DCLK3: variants seen among roughly 807,000 people sequenced by gnomAD.
DCLK3 encodes doublecortin like kinase 3.
A neutral mutation model predicts 46.4 loss-of-function variants in DCLK3; 30 were observed. The ratio of observed to expected loss-of-function variants is 0.65; its 90% CI spans 0.48 to 0.88. The LOEUF is 0.88. Ranked by LOEUF, DCLK3 falls within the 40% of genes least tolerant of loss-of-function variation. DCLK3 has a pLI of 0.00. For synonymous variants in DCLK3, 401 were observed against 339.2 expected, an observed-to-expected ratio of 1.18 and a Z score of -2.00; for missense variants, 846 against 907.1, an observed-to-expected ratio of 0.93 and a Z score of 0.87.
intron 1 of DCLK3, among the ~76,000 whole-genome samples, chr3:36,752,449 G>T (rs1171537026): frequency 1.3e-5 from 2 of 152,148 alleles, no homozygotes; most frequent in Non-Finnish European, 2.9e-5. Context: ...CCTCACCATT[G>T]CCCAAAATTA....
At chr3:36,718,341 C>T (rs1402497365) in intron 3 of DCLK3, among the ~76,000 whole-genome samples, 164 bp from the exon 4 acceptor site, 1 of 152,214 alleles carries the variant, frequency 6.6e-6, no homozygotes, top group African/African-American at 2.4e-5. Context: ...CTGCTAACTC[C>T]TATACATAAG....
chr3:36,738,947 G>A lies in DCLK3; in HGVS notation c.220C>T (p.Pro74Ser), dbSNP rs2125531515. ...PFLGPRGPVVPLFCPRNGLHS... is the reference protein window; with the variant it reads ...PFLGPRGPVVSLFCPRNGLHS... The stretch of plus-strand genomic sequence containing the variant: ...AGGCCATTCCGAGGGCAGAACAAGG[G>A]CACGACGGGGCCACGCGGCCCCAGG... Residue 74 changes from proline to serine, a missense_variant, in exon 2 of 5, where the codon CCC becomes TCC. Pro to Ser is a moderately conservative substitution (Grantham distance 74). Transcript: ENST00000636136. 1 of 402,408 alleles carries A rather than the reference G, an allele frequency of 2.5e-6. No individual in the cohort carries two copies. The highest frequency in any genetic ancestry group is 4.4e-6 in the Non-Finnish European group (1 of 229,032). 24.9% of individuals were successfully genotyped at this position (402,408 alleles called of 1,614,324 possible). A position where few individuals can be genotyped will look rare whatever the true frequency, so the allele number is the denominator to read the frequency against.
intron 4 of DCLK3, 118 bp from the exon 5 acceptor site, chr3:36,715,639 T>A: frequency 9.2e-7 from 1 of 1,083,430 alleles, no homozygotes; most frequent in Non-Finnish European, 1.3e-6. Context: ...GCTGAAAGCC[T>A]CCTTCATATT....
At chr3:36,750,620 C>T (rs1701432416) in intron 1 of DCLK3, among the ~76,000 whole-genome samples, 2 of 152,124 alleles carry the variant, frequency 1.3e-5, no homozygotes, top group African/African-American at 4.8e-5. Flanking sequence ...CTAAAGAGGA[C>T]ATGTGTGTGG....
chr3:36,732,108 C>A (rs969586435), intron 2 of DCLK3, among the ~76,000 whole-genome samples: 1 of 152,176 alleles, frequency 6.6e-6, no homozygotes, highest in Non-Finnish European at 1.5e-5. Context: ...ATGACCTGAA[C>A]TTCAGGCCTC....
At position 36,714,821 on chromosome 3, in the gene DCLK3, T is replaced by TCAGCTTCAGGA. The variant is rs1215525751; in HGVS notation, c.*506_*507insTCCTGAAGCTG. ...TAATCAAGTGTCCTTCACATCTATA[T>TCAGCTTCAGGA]GTAGTCATATCAGCTTCAGGAGATA... On this transcript the variant is annotated 3_prime_UTR_variant, in exon 5 of 5. Coordinates refer to ENST00000636136, the MANE Select transcript of DCLK3 (RefSeq NM_001394672.2). 6.5e-6 allele frequency: 1 copy of TCAGCTTCAGGA among 153,708 alleles called. No individual in the cohort carries two copies. Among genetic ancestry groups the TCAGCTTCAGGA allele is most frequent in the African/African-American group, 2.4e-5 (1 of 41,346 alleles). 9.5% of individuals were successfully genotyped at this position (153,708 alleles called of 1,614,324 possible). A position where few individuals can be genotyped will look rare whatever the true frequency, so the allele number is the denominator to read the frequency against.
At chr3:36,758,028 TC>T (rs1222733646) in intron 1 of DCLK3, among the ~76,000 whole-genome samples, 1 of 151,904 alleles carries the variant, frequency 6.6e-6, no homozygotes, top group Non-Finnish European at 1.5e-5. Flanking sequence ...CCTTCCTCTC[TC>T]CCCCTCAGCC....
chr3:36,716,188 A>C (rs1209528211), intron 4 of DCLK3, among the ~76,000 whole-genome samples: 1 of 152,210 alleles, frequency 6.6e-6, no homozygotes, highest in Admixed American at 6.5e-5. Flanking sequence ...AAAGCAGAAG[A>C]GATTTCCCCC....
chr3:36,731,992 A>G (rs1408602040), intron 2 of DCLK3, among the ~76,000 whole-genome samples: 1 of 152,198 alleles, frequency 6.6e-6, no homozygotes, highest in Non-Finnish European at 1.5e-5. Flanking sequence ...TTAATCTTAG[A>G]CCCTCAAATG....
chr3:36,727,244 G>A (rs1047706209), intron 2 of DCLK3, among the ~76,000 whole-genome samples: 8 of 152,100 alleles, frequency 5.3e-5, no homozygotes, highest in Admixed American at 2.0e-4. Flanking sequence ...AGCTGAGGTC[G>A]AGCCACTGCA....
chr3:36,721,481 G>T, intron 3 of DCLK3, 46 bp downstream of exon 3: 2 of 1,590,722 alleles, frequency 1.3e-6, no homozygotes, highest in South Asian at 1.2e-5. Flanking sequence ...TGAAACATTT[G>T]TTAGTAAGGG....
At chr3:36,718,334 C>T (rs1397226535) in intron 3 of DCLK3, among the ~76,000 whole-genome samples, 157 bp from the exon 4 acceptor site, 1 of 152,186 alleles carries the variant, frequency 6.6e-6, no homozygotes, top group East Asian at 1.9e-4. Context: ...CAGCTCCCTG[C>T]TAACTCCTAT....
chr3:36,720,551 C>T (rs912980376), intron 3 of DCLK3, among the ~76,000 whole-genome samples: 1 of 143,136 alleles, frequency 7.0e-6, no homozygotes, highest in East Asian at 2.1e-4. Context: ...GTTGCCCAGG[C>T]TGGAGTGCAA....
chr3:36,718,129 A>G lies in DCLK3; in HGVS notation c.2141T>C (p.Ile714Thr). Residue 714 changes from isoleucine (I) to threonine (T), a missense_variant, in exon 4 of 5, where the codon ATC (isoleucine) becomes ACC (threonine). Ile to Thr is a moderately conservative substitution (Grantham distance 89). This residue lies in a region of DCLK3 where 247 missense variants were observed against 322.8 expected (regional missense o/e 0.77). Coordinates refer to ENST00000636136, the MANE Select transcript of DCLK3 (RefSeq NM_001394672.2). Reference protein sequence around the residue: ...DMWAAGVILYILLCGFPPFRS... With the variant: ...DMWAAGVILYTLLCGFPPFRS... ...GAATGGGGGAAAGCCACACAGCAGG[A>G]TATAGAGGATCACGCCAGCAGCCCA... 1 of 1,614,168 alleles carries G rather than the reference A, an allele frequency of 6.2e-7. No individual in the cohort carries two copies.
At chr3:36,761,330 A>C (rs551588953) in intron 1 of DCLK3, among the ~76,000 whole-genome samples, 7 of 152,288 alleles carry the variant, frequency 4.6e-5, no homozygotes, top group Admixed American at 4.6e-4. Context: ...TATTAAATGA[A>C]TGGTGAAGAT....
chr3:36,748,582 C>T (rs766463887), intron 1 of DCLK3, among the ~76,000 whole-genome samples: 4 of 152,106 alleles, frequency 2.6e-5, no homozygotes, highest in Admixed American at 6.5e-5. Flanking sequence ...AGCCACAGTG[C>T]ACATGAGCAC....
Position 36,737,445 on chromosome 3 carries a change from G to T in DCLK3, c.1722C>A (p.Ile574=), listed in dbSNP as rs1480111038. Residue 574 remains isoleucine, a synonymous_variant, in exon 2 of 5, where the codon ATC becomes ATA. Transcript: ENST00000636136. The surrounding 1 kb of genome is among the most constrained non-coding windows in gnomAD (Gnocchi z 4.4). ...KEDMVDSEIL[I]IQSLSHPNIV... is the part of the protein sequence containing the mutation. ...TGTTGGGGTGAGAGAGGCTCTGGAT[G>T]ATCAAGATCTCACTGTCCACCATGT... 3 of 1,614,088 alleles carry T rather than the reference G, an allele frequency of 1.9e-6. No homozygotes were observed. The African/African-American group carries it at 4.0e-5, about 22-fold the overall frequency.
At chr3:36,730,594 C>T (rs897505224) in intron 2 of DCLK3, among the ~76,000 whole-genome samples, 4 of 152,158 alleles carry the variant, frequency 2.6e-5, no homozygotes, top group African/African-American at 9.7e-5. Context: ...TTGTCTAGTA[C>T]AGTATCCACT....
At chr3:36,745,276 T>A (rs957513986) in intron 1 of DCLK3, among the ~76,000 whole-genome samples, 2 of 152,240 alleles carry the variant, frequency 1.3e-5, no homozygotes, top group Non-Finnish European at 2.9e-5. Context: ...ACGTGTCTAA[T>A]TAAAATGCAA....
Sources: gnomAD v4.1 joint callset for allele counts (sites outside exome capture counted in the v4.1 genomes callset) on GRCh38, gnomAD v4.1.1 for gene constraint, gnomAD v4.1.1 regional missense constraint, Gnocchi (gnomAD v3.1) non-coding constraint, MANE v1.5 for transcripts, NCBI Gene and HGNC (gene_info 2026-07-23, HGNC 2026-07-21) for gene names.